The following KCND2 variants were observed in gnomAD, a reference collection of about 807,000 sequenced individuals.
The protein encoded by KCND2 is potassium voltage-gated channel subfamily D member 2, also known as A-type voltage-gated potassium channel KCND2.
KCND2 carries 16 observed loss-of-function variants against 54.4 expected under a neutral mutation model. That is an observed-to-expected ratio of 0.29 (90% CI 0.20 to 0.45). The LOEUF (loss-of-function observed/expected upper bound fraction) is 0.45. Ranked by LOEUF, KCND2 falls within the 20% of genes least tolerant of loss-of-function variation. KCND2 has a pLI of 1.00. For synonymous variants in KCND2, 317 were observed against 310.7 expected (o/e 1.02, Z -0.21); for missense variants, 486 against 824.2 (o/e 0.59, Z 5.02).
intron 1 of KCND2, among the ~76,000 whole-genome samples, chr7:120,470,986 G>A (rs908184935): frequency 2.3e-4 from 35 of 151,992 alleles, no homozygotes; most frequent in African/African-American, 8.2e-4. Context: ...TACTCTGGGT[G>A]TGGGTAATAT....
intron 1 of KCND2, among the ~76,000 whole-genome samples, chr7:120,490,012 CT>C (rs1802755008): frequency 6.6e-6 from 1 of 152,074 alleles, no homozygotes; most frequent in Non-Finnish European, 1.5e-5. Context: ...AGGAAGTGTC[CT>C]CATTAAATGA....
Position 120,748,081 on chromosome 7 carries a change from G to T in KCND2, c.*223G>T. 2.4e-6 allele frequency: 1 copy of T among 410,806 alleles called. No individual in the cohort carries two copies. The highest frequency in any genetic ancestry group is 4.4e-6 in the Non-Finnish European group (1 of 227,876). The allele number at this position is 410,806 out of a possible 1,614,324, so 25.4% of individuals were successfully genotyped here. A position where few individuals can be genotyped will look rare whatever the true frequency, so the allele number is the denominator to read the frequency against. ...ACAGAGTAATATTCTGTGGCCCTTT[G>T]ACTTTGTGAATGAGCACAATGAAAT... On this transcript the variant is annotated 3_prime_UTR_variant, in exon 6 of 6. Coordinates refer to ENST00000331113, the MANE Select transcript of KCND2 (RefSeq NM_012281.3).
intron 1 of KCND2, among the ~76,000 whole-genome samples, chr7:120,463,304 T>C (rs1802310808): frequency 6.6e-6 from 1 of 152,010 alleles, no homozygotes; most frequent in Non-Finnish European, 1.5e-5. Flanking sequence ...TAAATGCAAC[T>C]GATACCCTCC....
At chr7:120,655,382 T>C (rs1791789701) in intron 1 of KCND2, among the ~76,000 whole-genome samples, 1 of 152,044 alleles carries the variant, frequency 6.6e-6, no homozygotes, top group Non-Finnish European at 1.5e-5. Context: ...TTACACACCA[T>C]TACTTATTCA....
chr7:120,555,393 A>G (rs1792151716), intron 1 of KCND2, among the ~76,000 whole-genome samples: 1 of 152,188 alleles, frequency 6.6e-6, no homozygotes, highest in Admixed American at 6.5e-5. Context: ...AACTCAAGCA[A>G]TCCTCCCATC....
intron 1 of KCND2, among the ~76,000 whole-genome samples, chr7:120,295,684 T>G (rs1192819865): frequency 6.6e-6 from 1 of 152,034 alleles, no homozygotes; most frequent in Non-Finnish European, 1.5e-5. Context: ...ATACCTGTTA[T>G]TATGTGTTAA....
intron 1 of KCND2, among the ~76,000 whole-genome samples, chr7:120,306,126 A>G (rs1351864479): frequency 1.3e-5 from 2 of 152,102 alleles, no homozygotes; most frequent in African/African-American, 4.8e-5. Context: ...TGGATCCTCC[A>G]CCAAGAATTT....
chr7:120,677,812 G>A (rs1482360774), intron 1 of KCND2, among the ~76,000 whole-genome samples: 1 of 151,938 alleles, frequency 6.6e-6, no homozygotes, highest in Non-Finnish European at 1.5e-5. Context: ...GGAGAAGATT[G>A]CAATATAAAT....
At chr7:120,721,833 A>AG (rs1792670099) in intron 1 of KCND2, among the ~76,000 whole-genome samples, 1 of 152,176 alleles carries the variant, frequency 6.6e-6, no homozygotes, top group African/African-American at 2.4e-5. Context: ...TGTAGCTCCC[A>AG]TAATTCCCAC....
chr7:120,349,309 AACACACACACACACACAAAC>A (rs1387484505), intron 1 of KCND2, among the ~76,000 whole-genome samples: 7 of 89,334 alleles, frequency 7.8e-5, no homozygotes, highest in Non-Finnish European at 1.2e-4. Flanking sequence ...CACACACACA[AACACACACACACACACAAAC>A]ACACACACAC....
chr7:120,649,713 A>T (rs938717291), intron 1 of KCND2, among the ~76,000 whole-genome samples: 1 of 152,096 alleles, frequency 6.6e-6, no homozygotes, highest in East Asian at 1.9e-4. Flanking sequence ...TTCTGTAGGG[A>T]TGGTCTTTAC....
At chr7:120,354,874 A>G (rs1001043225) in intron 1 of KCND2, among the ~76,000 whole-genome samples, 3 of 152,234 alleles carry the variant, frequency 2.0e-5, no homozygotes, top group Non-Finnish European at 4.4e-5. Flanking sequence ...TATATATGAG[A>G]TACATTATAT....
At chr7:120,587,453 T>A (rs185597293) in intron 1 of KCND2, among the ~76,000 whole-genome samples, 1 of 152,212 alleles carries the variant, frequency 6.6e-6, no homozygotes. Flanking sequence ...CTTCTTGATC[T>A]GTTTCATGAT....
At chr7:120,678,799 C>T (rs1032076680) in intron 1 of KCND2, among the ~76,000 whole-genome samples, 3 of 146,098 alleles carry the variant, frequency 2.1e-5, no homozygotes. Context: ...CACACATTCT[C>T]TATCAATGAG....
chr7:120,590,688 A>G (rs1792659622), intron 1 of KCND2, among the ~76,000 whole-genome samples: 1 of 152,206 alleles, frequency 6.6e-6, no homozygotes, highest in African/African-American at 2.4e-5. Flanking sequence ...TTTGTGAGGC[A>G]TTCTGAGTAT....
chr7:120,406,359 A>G (rs1019869811), intron 1 of KCND2, among the ~76,000 whole-genome samples: 4 of 152,022 alleles, frequency 2.6e-5, no homozygotes, highest in Admixed American at 6.6e-5. Context: ...CTTTCACTGC[A>G]TTAATATTCA....
chr7:120,400,204 CACA>C (rs1801228554), intron 1 of KCND2, among the ~76,000 whole-genome samples: 1 of 152,110 alleles, frequency 6.6e-6, no homozygotes, highest in Non-Finnish European at 1.5e-5. Flanking sequence ...TACACTTGAA[CACA>C]ACAATTTGTA....
chr7:120,671,802 C>T (rs1032156636), intron 1 of KCND2, among the ~76,000 whole-genome samples: 3 of 152,140 alleles, frequency 2.0e-5, no homozygotes, highest in Non-Finnish European at 2.9e-5. Context: ...AATTAGAACC[C>T]TCAAACCTGC....
chr7:120,730,687 A>ATGAGATC (rs1792795675), intron 1 of KCND2, among the ~76,000 whole-genome samples: 2 of 152,156 alleles, frequency 1.3e-5, no homozygotes, highest in Admixed American at 6.5e-5. Flanking sequence ...ACAAACACCA[A>ATGAGATC]CAGGAATGAG....
Sources: gnomAD v4.1 joint callset for allele counts (sites outside exome capture counted in the v4.1 genomes callset) on GRCh38, gnomAD v4.1.1 for gene constraint, MANE v1.5 for transcripts, NCBI Gene and HGNC (gene_info 2026-07-23, HGNC 2026-07-21) for gene names.